Variants in BMPR1B observed in about 807,000 individuals in gnomAD.
The protein encoded by BMPR1B is bone morphogenetic protein receptor type-1B.
BMPR1B carries 12 observed loss-of-function variants against 59.1 expected under a neutral mutation model. That is an observed-to-expected ratio of 0.20 (90% CI 0.13 to 0.33). The LOEUF (loss-of-function observed/expected upper bound fraction) is 0.33, where lower values mean the gene tolerates loss of function less well. Among genes scored for constraint, BMPR1B ranks in the 10% least tolerant of loss-of-function variants. The pLI is 1.00. For synonymous variants in BMPR1B, 237 were observed against 207.3 expected, an observed-to-expected ratio of 1.14 and a Z score of -1.23; for missense variants, 550 against 610.9, an observed-to-expected ratio of 0.90 and a Z score of 1.05.
At chr4:95,060,638 A>G (rs753356973) in intron 3 of BMPR1B, among the ~76,000 whole-genome samples, 10 of 152,168 alleles carry the variant, frequency 6.6e-5, no homozygotes, top group Admixed American at 1.3e-4. Context: ...TGAGATACCT[A>G]TGAAGCGCCT....
chr4:94,981,198 A>C (rs1721057044), intron 2 of BMPR1B, among the ~76,000 whole-genome samples: 1 of 88,526 alleles, frequency 1.1e-5, no homozygotes, highest in Non-Finnish European at 2.2e-5. Flanking sequence ...GAATTTCATA[A>C]ATTTATCCTT....
chr4:95,152,885 G>A, intron 12 of BMPR1B, 112 bp downstream of exon 12: 1 of 1,332,078 alleles, frequency 7.5e-7, no homozygotes, highest in Non-Finnish European at 1.1e-6. Flanking sequence ...GATGGTGATG[G>A]TGATGGCGCC....
At chr4:94,854,631 T>C (rs1725688706) in intron 1 of BMPR1B, among the ~76,000 whole-genome samples, 1 of 152,160 alleles carries the variant, frequency 6.6e-6, no homozygotes, top group Admixed American at 6.6e-5. Context: ...ATTAAACATA[T>C]TTTTCACTCT....
At chr4:94,855,750 C>A (rs764825994) in intron 1 of BMPR1B, among the ~76,000 whole-genome samples, 4 of 151,876 alleles carry the variant, frequency 2.6e-5, no homozygotes, top group South Asian at 2.1e-4. Context: ...GTGTATTATT[C>A]TTTTCAGCAT....
At position 94,985,752 on chromosome 4, in the gene BMPR1B, C is replaced by T. The variant is rs1259230067; in HGVS notation, c.-112-10288C>T. Among the ~76,000 whole-genome samples the T allele has an allele frequency of 3.9e-5, 6 of 152,066 alleles. No homozygotes were observed. The South Asian group carries it at 1.0e-3, about 26-fold the overall frequency. ...ATTCAGTTTCTATCTATATTTCTTT[C>T]GAACATTCACACACTGGGCTATTCC... is the stretch of plus-strand genomic sequence containing the variant. On this transcript the variant is annotated intron_variant, in intron 2 of 12. Transcript: ENST00000515059.
chr4:95,015,879 G>A (rs1406617470), intron 3 of BMPR1B, among the ~76,000 whole-genome samples: 1 of 152,150 alleles, frequency 6.6e-6, no homozygotes, highest in Non-Finnish European at 1.5e-5. Context: ...TTTTAGTGGA[G>A]ACGGGGTTTC....
chr4:95,031,108 T>G (rs1452369552), intron 3 of BMPR1B, among the ~76,000 whole-genome samples: 4 of 152,086 alleles, frequency 2.6e-5, no homozygotes, highest in East Asian at 1.9e-4. Flanking sequence ...TCACACTACC[T>G]GACTTCAAAC....
intron 3 of BMPR1B, chr4:95,051,846 A>G: frequency 7.0e-7 from 1 of 1,430,866 alleles, no homozygotes; most frequent in Non-Finnish European, 9.5e-7. Context: ...CTTTTATCGC[A>G]GAAGGGAAAG....
chr4:94,978,286 GC>G (rs985365106), intron 2 of BMPR1B, among the ~76,000 whole-genome samples: 1 of 152,172 alleles, frequency 6.6e-6, no homozygotes, highest in African/African-American at 2.4e-5. Flanking sequence ...GTTTCTGTGG[GC>G]CAGGATTTTT....
intron 2 of BMPR1B, among the ~76,000 whole-genome samples, chr4:94,958,845 C>T (rs1001715541): frequency 6.6e-6 from 1 of 151,976 alleles, no homozygotes; most frequent in Admixed American, 6.6e-5. Flanking sequence ...CTGGAGTGGT[C>T]AGGGGCTCAT....
chr4:94,822,581 T>C (rs1439303472), intron 1 of BMPR1B, among the ~76,000 whole-genome samples: 1 of 152,104 alleles, frequency 6.6e-6, no homozygotes, highest in Non-Finnish European at 1.5e-5. Flanking sequence ...TTCTCCCTTC[T>C]CTTAAGATGA....
intron 3 of BMPR1B, among the ~76,000 whole-genome samples, chr4:95,062,747 A>T (rs540747918): frequency 3.3e-5 from 5 of 152,130 alleles, no homozygotes; most frequent in Non-Finnish European, 7.4e-5. Context: ...CTAGATTTAC[A>T]CATTTGATTT....
intron 2 of BMPR1B, among the ~76,000 whole-genome samples, chr4:94,917,750 A>G (rs1728538765): frequency 6.6e-6 from 1 of 152,180 alleles, no homozygotes; most frequent in African/African-American, 2.4e-5. Context: ...TTGGGAAGGC[A>G]TGATTATATT....
chr4:94,834,767 G>T (rs764912216), intron 1 of BMPR1B, among the ~76,000 whole-genome samples: 2 of 152,138 alleles, frequency 1.3e-5, no homozygotes, highest in Non-Finnish European at 2.9e-5. Context: ...GCACTCAACA[G>T]TAGCAGCTCT....
chr4:94,936,558 C>T (rs554203596), intron 2 of BMPR1B, among the ~76,000 whole-genome samples: 30 of 152,066 alleles, frequency 2.0e-4, no homozygotes, highest in Non-Finnish European at 3.7e-4. Context: ...TTTTTGAACA[C>T]GTAGTGTTTG....
At chr4:94,889,223 A>G (rs1337527624) in intron 2 of BMPR1B, among the ~76,000 whole-genome samples, 2 of 152,066 alleles carry the variant, frequency 1.3e-5, no homozygotes, top group Non-Finnish European at 2.9e-5. Context: ...TTTAATAGTG[A>G]TATTTTATTT....
rs1041176863 is a variant in BMPR1B at position 94,773,935 on chromosome 4, T to G, written c.-183+15867T>G. On this transcript the variant is annotated intron_variant, in intron 1 of 12. Transcript: ENST00000515059. ...GTTGTATTCTTTTCCTAAAATATTATGTAGTCACACTGTTCTGTGATTGTT... is the reference window on the plus strand; with the variant it reads ...GTTGTATTCTTTTCCTAAAATATTAGGTAGTCACACTGTTCTGTGATTGTT... Among the ~76,000 whole-genome samples, 3 of 152,070 alleles carry G rather than the reference T, an allele frequency of 2.0e-5. No individual in the cohort carries two copies. In the South Asian group the frequency reaches 6.2e-4, roughly 32 times the overall value.
chr4:95,032,779 A>C (rs1724971445), intron 3 of BMPR1B, among the ~76,000 whole-genome samples: 1 of 152,148 alleles, frequency 6.6e-6, no homozygotes, highest in Admixed American at 6.6e-5. Context: ...ATTGATGGAC[A>C]CTGATGATCC....
At chr4:94,761,447 G>GTGTA (rs141917305) in intron 1 of BMPR1B, among the ~76,000 whole-genome samples, 1,605 of 149,652 alleles carry the variant, frequency 0.011, 25 homozygotes, top group African/African-American at 0.036. Flanking sequence ...GTGTGTGTGT[G>GTGTA]TGTGTGTGTG....
Sources: allele counts gnomAD v4.1 joint callset (sites outside exome capture counted in the v4.1 genomes callset), GRCh38; gene constraint gnomAD v4.1.1; transcripts MANE v1.5; gene names NCBI Gene and HGNC (gene_info 2026-07-23, HGNC 2026-07-21).